The following LCORL variants were observed in gnomAD, a reference collection of about 807,000 sequenced individuals.
The protein encoded by LCORL is ligand dependent nuclear receptor corepressor like, also known as ligand-dependent nuclear receptor corepressor-like protein.
In LCORL, 41 loss-of-function variants were observed where a neutral mutation model predicts 141.8. That is an observed-to-expected ratio of 0.29 (90% CI 0.23 to 0.38). The LOEUF is 0.38. LCORL is among the 10% of genes least tolerant of loss of function. LCORL has a pLI of 1.00. For synonymous variants in LCORL, 618 were observed against 694.1 expected (o/e 0.89, Z 1.72); for missense variants, 1,759 against 2,035.0 (o/e 0.86, Z 2.61).
chr4:17,853,704 C>T (rs1038226616), intron 7 of LCORL, among the ~76,000 whole-genome samples: 1 of 152,060 alleles, frequency 6.6e-6, no homozygotes, highest in Non-Finnish European at 1.5e-5. Flanking sequence ...CTAAATATTA[C>T]TAGAGTAAAA....
intron 1 of LCORL, among the ~76,000 whole-genome samples, chr4:17,987,972 T>C (rs528132975): frequency 1.4e-4 from 22 of 152,198 alleles, no homozygotes; most frequent in Non-Finnish European, 2.6e-4. Flanking sequence ...TGGCTCTGTG[T>C]CCCCACCCAA....
At chr4:17,938,003 C>CTT (rs201471488) in intron 4 of LCORL, among the ~76,000 whole-genome samples, 26,567 of 131,396 alleles carry the variant, frequency 0.2, 3,551 homozygotes, top group African/African-American at 0.36. Context: ...TAAACAATTT[C>CTT]TTTTTTTTTT....
chr4:17,922,662 G>A (rs932035357), intron 4 of LCORL, among the ~76,000 whole-genome samples: 5 of 152,046 alleles, frequency 3.3e-5, no homozygotes, highest in African/African-American at 9.7e-5. Context: ...CTTATCATGC[G>A]AGTGGCTGAC....
chr4:17,881,335 T>C (rs1260059148), intron 6 of LCORL: 2 of 981,760 alleles, frequency 2.0e-6, no homozygotes, highest in Non-Finnish European at 2.4e-6. Flanking sequence ...ATAAAGGTCA[T>C]CTTAATAGAA....
At chr4:17,908,194 G>A (rs1287206603) in intron 5 of LCORL, among the ~76,000 whole-genome samples, 4 of 151,470 alleles carry the variant, frequency 2.6e-5, no homozygotes, top group African/African-American at 4.9e-5. Context: ...CACAGTGCCC[G>A]GCTAATTTTG....
At chr4:17,913,971 A>G (rs1210072645) in intron 4 of LCORL, among the ~76,000 whole-genome samples, 1 of 152,132 alleles carries the variant, frequency 6.6e-6, no homozygotes, top group African/African-American at 2.4e-5. Flanking sequence ...TTTGAATTCC[A>G]TTTTTCCACG....
chr4:17,873,327 T>C lies in LCORL; in HGVS notation c.5602+61A>G, dbSNP rs886563405. 31 of 1,028,500 alleles carry C rather than the reference T, an allele frequency of 3.0e-5. No homozygotes were observed. In the African/African-American group the frequency reaches 4.5e-4, roughly 15 times the overall value. 63.7% of individuals were successfully genotyped at this position (1,028,500 alleles called of 1,614,324 possible). On this transcript the variant is annotated intron_variant, in intron 7 of 7. Coordinates refer to ENST00000635767, the Ensembl canonical transcript of LCORL. ...CTGCATCAGCTGTTCCTTTTCTACCTGTTATACTTTACTCAAGGCACCTAC... is the reference window on the plus strand; with the variant it reads ...CTGCATCAGCTGTTCCTTTTCTACCCGTTATACTTTACTCAAGGCACCTAC...
chr4:18,015,334 A>G (rs1291429898), intron 1 of LCORL, among the ~76,000 whole-genome samples: 1 of 152,222 alleles, frequency 6.6e-6, no homozygotes, highest in Non-Finnish European at 1.5e-5. Flanking sequence ...TCTGTAGCCC[A>G]TATCTAACAT....
intron 2 of LCORL, among the ~76,000 whole-genome samples, chr4:17,971,190 C>T (rs1715858833): frequency 6.6e-6 from 1 of 151,912 alleles, no homozygotes; most frequent in African/African-American, 2.4e-5. Flanking sequence ...CATAACTATC[C>T]ATAATCCATA....
exon 7 of LCORL, chr4:17,873,566 G>A: frequency 1.6e-6 from 2 of 1,233,410 alleles, no homozygotes; most frequent in Non-Finnish European, 2.0e-6. Context: ...ATTTACTATT[G>A]CCAAGATGGT....
chr4:17,854,685 A>T (rs535312788), intron 7 of LCORL, among the ~76,000 whole-genome samples: 106 of 148,698 alleles, frequency 7.1e-4, no homozygotes, highest in South Asian at 1.1e-3. Flanking sequence ...TTGCTTTTTT[A>T]AAAAAAAACA....
At chr4:17,974,632 A>G (rs1560427159) in intron 1 of LCORL, among the ~76,000 whole-genome samples, 1 of 152,088 alleles carries the variant, frequency 6.6e-6, no homozygotes, top group Non-Finnish European at 1.5e-5. Flanking sequence ...TTTTGGTAAC[A>G]GAGTAATGCT....
intron 4 of LCORL, among the ~76,000 whole-genome samples, chr4:17,943,841 A>C (rs949200239): frequency 6.6e-6 from 1 of 152,188 alleles, no homozygotes; most frequent in African/African-American, 2.4e-5. Context: ...ACACATTATC[A>C]TAAGAATCCA....
chr4:17,939,034 T>A (rs2109463388), intron 4 of LCORL, among the ~76,000 whole-genome samples: 1 of 152,312 alleles, frequency 6.6e-6, no homozygotes, highest in South Asian at 2.1e-4. Flanking sequence ...TTAGTAATTA[T>A]CTGACAAAGG....
chr4:17,889,952 A>G (rs529825124), intron 5 of LCORL, among the ~76,000 whole-genome samples: 2 of 152,182 alleles, frequency 1.3e-5, no homozygotes, highest in East Asian at 3.9e-4. Flanking sequence ...AGATAAAATT[A>G]AGCGCCCAGC....
At chr4:17,928,496 C>T (rs1435244476) in intron 4 of LCORL, among the ~76,000 whole-genome samples, 3 of 152,182 alleles carry the variant, frequency 2.0e-5, no homozygotes, top group Admixed American at 2.0e-4. Context: ...GCTACATAAT[C>T]TCCATACATG....
At chr4:17,909,581 G>T (rs1349091194) in intron 4 of LCORL, among the ~76,000 whole-genome samples, 3 of 152,024 alleles carry the variant, frequency 2.0e-5, no homozygotes, top group Middle Eastern at 3.5e-3. Flanking sequence ...ACATTCTCTG[G>T]TCCCAAACTA....
intron 4 of LCORL, among the ~76,000 whole-genome samples, chr4:17,945,005 G>A (rs1418554803): frequency 6.6e-6 from 1 of 152,076 alleles, no homozygotes; most frequent in East Asian, 1.9e-4. Context: ...AATAAAAATG[G>A]TGAAATAATA....
At chr4:18,008,916 CCTTT>C (rs1168410356) in intron 1 of LCORL, among the ~76,000 whole-genome samples, 1 of 152,036 alleles carries the variant, frequency 6.6e-6, no homozygotes, top group Non-Finnish European at 1.5e-5. Flanking sequence ...GTAAGGAAGA[CCTTT>C]ATCTTCCCAA....
Sources: allele counts gnomAD v4.1 joint callset (sites outside exome capture counted in the v4.1 genomes callset), GRCh38; gene constraint gnomAD v4.1.1; transcripts MANE v1.5; gene names NCBI Gene and HGNC (gene_info 2026-07-23, HGNC 2026-07-21).